MPP7: variants seen among roughly 807,000 people sequenced by gnomAD.
MPP7 encodes the protein MAGUK p55 subfamily member 7.
A neutral mutation model predicts 76.5 loss-of-function variants in MPP7; 60 were observed. That is an observed-to-expected ratio of 0.78 (90% CI 0.64 to 0.97). MPP7 has a LOEUF of 0.97. Among genes scored for constraint, MPP7 ranks in the 50% least tolerant of loss-of-function variants. The probability of loss-of-function intolerance (pLI) is 0.00; values close to 1 mark genes in which losing one functional copy is unlikely to be tolerated. For missense variants in MPP7, 641 were observed against 694.0 expected, an observed-to-expected ratio of 0.92 and a Z score of 0.86; for synonymous variants, 237 against 244.5, an observed-to-expected ratio of 0.97 and a Z score of 0.29.
chr10:28,156,227 C>A lies in MPP7; in HGVS notation c.157-6168G>T, dbSNP rs376353867. ...CTCATATTTAAAACAGGATAATAAT[C>A]GTATCTATTAACTAGGGTTACTGTG... On this transcript the variant is annotated intron_variant, in intron 3 of 16. Transcript: ENST00000683449. 7.9e-5 allele frequency among the ~76,000 whole-genome samples: 12 copies of A among 152,228 alleles called. 1 individual carries two copies. The highest frequency in any genetic ancestry group is 2.9e-4 in the African/African-American group (12 of 41,546).
chr10:28,096,192 C>T (rs1466494096), intron 11 of MPP7, among the ~76,000 whole-genome samples: 1 of 152,168 alleles, frequency 6.6e-6, no homozygotes, highest in Non-Finnish European at 1.5e-5. Flanking sequence ...TCACTGATGA[C>T]TTCATTAGGG....
intron 1 of MPP7, among the ~76,000 whole-genome samples, chr10:28,331,311 GC>G (rs1834468293): frequency 6.6e-6 from 1 of 152,082 alleles, no homozygotes; most frequent in Admixed American, 6.6e-5. Flanking sequence ...GAGGGGAGGA[GC>G]CTCAGGGAAG....
At chr10:28,242,573 G>T (rs1308497114) in intron 1 of MPP7, among the ~76,000 whole-genome samples, 1 of 152,204 alleles carries the variant, frequency 6.6e-6, no homozygotes, top group Admixed American at 6.5e-5. Flanking sequence ...TCAAAGCATG[G>T]TCCACAGACC....
chr10:28,229,031 T>C (rs1838790395), intron 2 of MPP7, among the ~76,000 whole-genome samples: 3 of 152,170 alleles, frequency 2.0e-5, no homozygotes, highest in South Asian at 2.1e-4. Context: ...ACTAGAATGA[T>C]AGGAGAGAGG....
intron 12 of MPP7, among the ~76,000 whole-genome samples, chr10:28,085,902 A>G (rs193018284): frequency 4.1e-4 from 62 of 152,366 alleles, no homozygotes; most frequent in African/African-American, 1.3e-3. Flanking sequence ...ATACCCATCA[A>G]TAATACACTG....
At chr10:28,216,056 T>C (rs1588937456) in intron 2 of MPP7, among the ~76,000 whole-genome samples, 1 of 151,928 alleles carries the variant, frequency 6.6e-6, no homozygotes, top group Non-Finnish European at 1.5e-5. Flanking sequence ...AAAAATGTGA[T>C]CACACCTGCC....
intron 1 of MPP7, among the ~76,000 whole-genome samples, chr10:28,266,227 T>C (rs1040530051): frequency 6.6e-6 from 1 of 152,254 alleles, no homozygotes; most frequent in South Asian, 2.1e-4. Context: ...CCCAAAGTGG[T>C]GGAATTACAA....
chr10:28,187,948 G>A (rs978887324), intron 3 of MPP7, among the ~76,000 whole-genome samples: 1 of 152,124 alleles, frequency 6.6e-6, no homozygotes, highest in Non-Finnish European at 1.5e-5. Flanking sequence ...GAAAGATGAA[G>A]ATCAAGAATT....
chr10:28,205,989 T>C (rs546845836), intron 2 of MPP7, among the ~76,000 whole-genome samples: 2 of 152,318 alleles, frequency 1.3e-5, no homozygotes, highest in African/African-American at 4.8e-5. Flanking sequence ...TTTGCCTTTC[T>C]GCCATGGATG....
intron 1 of MPP7, among the ~76,000 whole-genome samples, chr10:28,276,638 T>A (rs1025295915): frequency 2.0e-5 from 3 of 152,002 alleles, no homozygotes; most frequent in Non-Finnish European, 4.4e-5. Flanking sequence ...GCATCACACA[T>A]GGGTGCGTTT....
At chr10:28,170,302 C>T (rs1166186205) in intron 3 of MPP7, among the ~76,000 whole-genome samples, 1 of 151,712 alleles carries the variant, frequency 6.6e-6, no homozygotes, top group Non-Finnish European at 1.5e-5. Flanking sequence ...AGTCATTATC[C>T]CACAAATATC....
chr10:28,239,838 C>G (rs946784453), intron 1 of MPP7, among the ~76,000 whole-genome samples: 2 of 152,042 alleles, frequency 1.3e-5, no homozygotes, highest in African/African-American at 4.8e-5. Flanking sequence ...CCTTAACTTC[C>G]TTATATGCAA....
rs140451891 is a variant in MPP7 at position 28,100,820 on chromosome 10, G to A, written c.953-10979C>T. Among the ~76,000 whole-genome samples, 61 of 152,144 alleles carry A rather than the reference G, an allele frequency of 4.0e-4. 1 individual carries two copies. The East Asian group carries it at 0.012, about 29-fold the overall frequency. ...ATTTTCAAAGAAAAATATTACTTAG[G>A]TCTTTAAAAGTTTTCCTGATACCAC... On this transcript the variant is annotated intron_variant, in intron 11 of 16. Transcript: ENST00000683449.
chr10:28,240,350 C>A (rs770489964), intron 1 of MPP7, among the ~76,000 whole-genome samples: 13 of 152,032 alleles, frequency 8.6e-5, no homozygotes, highest in Admixed American at 4.6e-4. Context: ...TTTAAAAAAT[C>A]CAAACTGTAA....
At chr10:28,304,242 C>T (rs1401316814), upstream of MPP7, among the ~76,000 whole-genome samples, 3 of 152,184 alleles carry the variant, frequency 2.0e-5, no homozygotes, top group African/African-American at 4.8e-5. Flanking sequence ...GCATTTCTCA[C>T]CTAGGGACCA....
chr10:28,121,170 G>A lies in MPP7; in HGVS notation c.616-502C>T, dbSNP rs559410666. Among the ~76,000 whole-genome samples the A allele has an allele frequency of 4.3e-4, 66 of 151,910 alleles. 1 individual carries two copies. Among genetic ancestry groups the A allele is most frequent in the African/African-American group, 1.4e-3 (59 of 41,436 alleles). ...AAAATTTTAAAAATTAGCCAAGCGT[G>A]GTGATGAAGCTAAGGCCTCTTGAGC... On this transcript the variant is annotated intron_variant, in intron 8 of 16. Coordinates refer to ENST00000683449, the MANE Select transcript of MPP7 (RefSeq NM_001318170.2).
intron 2 of MPP7, among the ~76,000 whole-genome samples, chr10:28,308,434 A>G (rs1490267696): frequency 6.6e-6 from 1 of 152,224 alleles, no homozygotes; most frequent in African/African-American, 2.4e-5. Context: ...AAGGTCTCAA[A>G]GAAGCAGGAG....
Position 28,131,706 on chromosome 10 carries a change from G to A in MPP7, c.316-15C>T. ...GAGAGCAAAGCCTGTAATATTCAAA[G>A]GTTGATTTAAATAAGTAAATATACA... On this transcript the variant is annotated splice_polypyrimidine_tract_variant and intron_variant, in intron 5 of 16. Transcript: ENST00000683449. The A allele has an allele frequency of 6.6e-7, 1 of 1,504,138 alleles. No individual in the cohort carries two copies. Among genetic ancestry groups the A allele is most frequent in the Non-Finnish European group, 9.0e-7 (1 of 1,116,666 alleles). The allele number at this position is 1,504,138 out of a possible 1,614,324, so 93.2% of individuals were successfully genotyped here.
At chr10:28,074,834 C>T (rs975545661) in intron 12 of MPP7, among the ~76,000 whole-genome samples, 8 of 152,214 alleles carry the variant, frequency 5.3e-5, no homozygotes, top group Non-Finnish European at 8.8e-5. Context: ...CTTTCACGGG[C>T]CATGGTGTCT....
Sources: allele counts gnomAD v4.1 joint callset (sites outside exome capture counted in the v4.1 genomes callset), GRCh38; gene constraint gnomAD v4.1.1; transcripts MANE v1.5; gene names NCBI Gene and HGNC (gene_info 2026-07-23, HGNC 2026-07-21).